The following RNLS variants were observed in gnomAD, a reference collection of about 807,000 sequenced individuals.
RNLS encodes renalase, FAD dependent amine oxidase.
A neutral mutation model predicts 39.8 loss-of-function variants in RNLS; 39 were observed. That is an observed-to-expected ratio of 0.98 (90% CI 0.76 to 1.28). The LOEUF is 1.28. RNLS is among the 50% of genes most tolerant of loss of function. The pLI is 0.00. For synonymous variants in RNLS, 147 were observed against 150.7 expected (o/e 0.98, Z 0.18); for missense variants, 410 against 413.3 (o/e 0.99, Z 0.07).
chr10:88,380,286 G>A (rs1473330067), intron 4 of RNLS, among the ~76,000 whole-genome samples: 2 of 150,240 alleles, frequency 1.3e-5, no homozygotes, highest in Admixed American at 6.6e-5. Context: ...TCAACCAGTT[G>A]CTTGCTAGGT....
intron 4 of RNLS, among the ~76,000 whole-genome samples, chr10:88,491,850 A>G (rs1459277173): frequency 2.0e-5 from 3 of 152,078 alleles, no homozygotes; most frequent in African/African-American, 7.3e-5. Context: ...TGGAGGTAAT[A>G]AAGGACCATT....
the RNLS span, among the ~76,000 whole-genome samples, chr10:88,233,862 A>G: frequency 1.3e-5 from 2 of 152,056 alleles, no homozygotes; most frequent in Non-Finnish European, 2.9e-5. Context: ...AGAAAATGTT[A>G]CAAAAATGAT....
At position 88,512,857 on chromosome 10, in the gene RNLS, C is replaced by A. The variant is rs538236758; in HGVS notation, c.526+60046G>T. Among the ~76,000 whole-genome samples the A allele has an allele frequency of 8.5e-5, 13 of 152,278 alleles. No individual in the cohort carries two copies. In the South Asian group the frequency reaches 2.7e-3, roughly 32 times the overall value. Reference sequence around the variant, plus strand: ...GTGCAAAGTTACACCTACGTTTCAACTATGCCTTTCTCCTTTATTAGTTGT... The same window carrying A: ...GTGCAAAGTTACACCTACGTTTCAAATATGCCTTTCTCCTTTATTAGTTGT... On this transcript the variant is annotated intron_variant, in intron 4 of 6. Transcript: ENST00000331772.
At chr10:88,444,500 G>A (rs1207960159) in intron 4 of RNLS, among the ~76,000 whole-genome samples, 1 of 152,156 alleles carries the variant, frequency 6.6e-6, no homozygotes, top group African/African-American at 2.4e-5. Flanking sequence ...AGAGAAGAAG[G>A]CTTCAGACGA....
At chr10:88,578,574 T>C (rs1850343232) in intron 3 of RNLS, among the ~76,000 whole-genome samples, 1 of 152,046 alleles carries the variant, frequency 6.6e-6, no homozygotes, top group Non-Finnish European at 1.5e-5. Flanking sequence ...TAACATTAAA[T>C]AGCATTAAAA....
Position 88,285,181 on chromosome 10 carries a change from G to T in RNLS, c.*173C>A. On this transcript the variant is annotated 3_prime_UTR_variant, in exon 7 of 7. Transcript: ENST00000331772. ...GTGAGGAATTTCCATTCTAGCATGG[G>T]TTGTAACTATCAAAATTACAAAATT... 7.5e-7 allele frequency: 1 copy of T among 1,342,064 alleles called. No individual in the cohort carries two copies. Among genetic ancestry groups the T allele is most frequent in the Non-Finnish European group, 9.5e-7 (1 of 1,047,860 alleles). The allele number at this position is 1,342,064 out of a possible 1,614,324, so 83.1% of individuals were successfully genotyped here.
chr10:88,177,298 G>A, the RNLS span, among the ~76,000 whole-genome samples: 1 of 152,018 alleles, frequency 6.6e-6, no homozygotes, highest in East Asian at 1.9e-4. Context: ...GTTTTTGTCT[G>A]ACTGGGTTAT....
At chr10:88,473,617 A>G (rs1306269271) in intron 4 of RNLS, among the ~76,000 whole-genome samples, 2 of 152,208 alleles carry the variant, frequency 1.3e-5, no homozygotes, top group African/African-American at 2.4e-5. Flanking sequence ...GCTACAAAAA[A>G]TATATACCAT....
the RNLS span, among the ~76,000 whole-genome samples, chr10:88,176,193 T>C: frequency 5.9e-5 from 9 of 151,900 alleles, no homozygotes; most frequent in Non-Finnish European, 1.0e-4. Context: ...TTTTCTTTTT[T>C]GAGACGGAGT....
chr10:88,579,397 T>C (rs942948282), intron 3 of RNLS, among the ~76,000 whole-genome samples: 2 of 152,020 alleles, frequency 1.3e-5, no homozygotes, highest in African/African-American at 4.8e-5. Context: ...GTTTTATGGC[T>C]GGTTTGGGGG....
intron 4 of RNLS, among the ~76,000 whole-genome samples, chr10:88,544,198 G>A (rs941972852): frequency 1.3e-5 from 2 of 152,300 alleles, no homozygotes; most frequent in Admixed American, 1.3e-4. Context: ...CTGTTTAACT[G>A]TTAGCTATTC....
chr10:88,343,874 T>C, intron 5 of RNLS: 1 of 959,392 alleles, frequency 1.0e-6, no homozygotes, highest in Non-Finnish European at 1.2e-6. Context: ...GAGCAGAGGA[T>C]TTGTCCTAAC....
intron 4 of RNLS, among the ~76,000 whole-genome samples, chr10:88,529,573 G>A (rs958118172): frequency 1.3e-5 from 2 of 152,146 alleles, no homozygotes; most frequent in South Asian, 4.1e-4. Context: ...ATGGGTAGTA[G>A]TGTATTTTAC....
At chr10:88,363,068 G>A (rs1300094779) in intron 4 of RNLS, among the ~76,000 whole-genome samples, 3 of 152,136 alleles carry the variant, frequency 2.0e-5, no homozygotes, top group Non-Finnish European at 4.4e-5. Flanking sequence ...CTTACTACAA[G>A]TTAGGGTATT....
chr10:88,204,549 A>G, the RNLS span, among the ~76,000 whole-genome samples: 1 of 152,198 alleles, frequency 6.6e-6, no homozygotes, highest in Non-Finnish European at 1.5e-5. Context: ...AATGAACTAC[A>G]TAATAATAAT....
the RNLS span, among the ~76,000 whole-genome samples, chr10:88,217,081 C>T: frequency 6.6e-6 from 1 of 152,260 alleles, no homozygotes; most frequent in African/African-American, 2.4e-5. Context: ...TGGGGAAAAA[C>T]AGATTGGTTT....
At chr10:88,204,559 T>A in the RNLS span, among the ~76,000 whole-genome samples, 1 of 152,122 alleles carries the variant, frequency 6.6e-6, no homozygotes, top group Non-Finnish European at 1.5e-5. Context: ...ATAATAATAA[T>A]GAGAATAATG....
intron 5 of RNLS, among the ~76,000 whole-genome samples, chr10:88,353,163 A>T (rs1006288365): frequency 1.3e-5 from 2 of 152,116 alleles, no homozygotes; most frequent in Non-Finnish European, 2.9e-5. Context: ...TCCTGGATTC[A>T]TTGATTTTTT....
intron 4 of RNLS, among the ~76,000 whole-genome samples, chr10:88,562,063 G>A (rs888223841): frequency 5.5e-5 from 5 of 91,088 alleles, no homozygotes; most frequent in African/African-American, 2.6e-4. Context: ...GAGTATATAG[G>A]CAAACAGGCA....
Sources: gnomAD v4.1 joint callset for allele counts (sites outside exome capture counted in the v4.1 genomes callset) on GRCh38, gnomAD v4.1.1 for gene constraint, MANE v1.5 for transcripts, NCBI Gene and HGNC (gene_info 2026-07-23, HGNC 2026-07-21) for gene names.